CWC22: variants seen among roughly 807,000 people sequenced by gnomAD.
CWC22 encodes the protein CWC22 spliceosome associated protein.
A neutral mutation model predicts 117.2 loss-of-function variants in CWC22; 53 were observed. That is an observed-to-expected ratio of 0.45 (90% CI 0.36 to 0.57). The LOEUF (loss-of-function observed/expected upper bound fraction) is 0.57. CWC22 is among the 20% of genes least tolerant of loss of function. The pLI is 0.00. For synonymous variants in CWC22, 360 were observed against 355.6 expected (o/e 1.01, Z -0.14); for missense variants, 980 against 1,068.8 (o/e 0.92, Z 1.16).
chr2:180,003,922 T>C (rs1468868121), intron 1 of CWC22, among the ~76,000 whole-genome samples: 2 of 152,238 alleles, frequency 1.3e-5, no homozygotes, highest in Admixed American at 6.5e-5. Context: ...TTAAAGTTTG[T>C]ACTTTGTTGT....
chr2:180,005,313 C>A (rs1165499146), intron 1 of CWC22, among the ~76,000 whole-genome samples: 1 of 152,222 alleles, frequency 6.6e-6, no homozygotes, highest in Non-Finnish European at 1.5e-5. Flanking sequence ...AGCGGTGGCT[C>A]ACGCCTGTAA....
chr2:179,976,902 A>G (rs1197744644), intron 6 of CWC22, among the ~76,000 whole-genome samples: 1 of 152,168 alleles, frequency 6.6e-6, no homozygotes, highest in Non-Finnish European at 1.5e-5. Flanking sequence ...CGCCTGTCAT[A>G]CCAACACTTT....
rs566811611 is a variant in CWC22 at position 179,950,993 on chromosome 2, C to G, written c.1818-67G>C. ...AAGATAAAAAGGTAAAATCCTTAGT[C>G]ATTTTTCAGATTTTTCATATATTAA... On this transcript the variant is annotated intron_variant, in intron 17 of 19. Transcript: ENST00000410053. The G allele has an allele frequency of 7.0e-6, 7 of 994,554 alleles. No individual in the cohort carries two copies. In the African/African-American group the frequency reaches 1.2e-4, roughly 16 times the overall value. The allele number at this position is 994,554 out of a possible 1,614,324, so 61.6% of individuals were successfully genotyped here.
At chr2:179,997,511 A>C (rs1687737751) in intron 1 of CWC22, among the ~76,000 whole-genome samples, 2 of 152,012 alleles carry the variant, frequency 1.3e-5, no homozygotes, top group Admixed American at 6.6e-5. Flanking sequence ...AAATTGCATG[A>C]CTCCTTCCAA....
At chr2:179,980,652 C>T (rs530814158) in intron 5 of CWC22, among the ~76,000 whole-genome samples, 7 of 151,646 alleles carry the variant, frequency 4.6e-5, no homozygotes, top group Non-Finnish European at 7.4e-5. Flanking sequence ...TTTGGGAGGC[C>T]GAGGTGGGCG....
intron 12 of CWC22, among the ~76,000 whole-genome samples, chr2:179,965,230 TATAAGAC>T (rs1686859907): frequency 6.6e-6 from 1 of 152,250 alleles, no homozygotes; most frequent in South Asian, 2.1e-4. Flanking sequence ...AGAATTGTAC[TATAAGAC>T]AGAGTATTTA....
Position 179,945,663 on chromosome 2 carries a change from A to T in CWC22, c.2193T>A (p.Asp731Glu), listed in dbSNP as rs369171064. The change falls in exon 20 of 20, where the codon GAT (aspartate) becomes GAA (glutamate). Residue 731 changes from aspartate (D) to glutamate (E), a missense_variant. By Grantham distance (45) the Asp-to-Glu change is conservative (BLOSUM62 2). Around this residue, in one of 3 missense-constraint regions of CWC22, gnomAD observed 306 missense variants for 296.8 expected, o/e 1.03. Coordinates refer to ENST00000410053, the MANE Select transcript of CWC22 (RefSeq NM_020943.3). ...TTGTTTGCTGGTTTCTGATCAATTT[A>T]TCTACCTCTTTACTTCTGGTCTTCC... ...GHGKTRSKEV[D>E]KLIRNQQTND... 1.9e-6 allele frequency: 3 copies of T among 1,610,242 alleles called. No individual in the cohort carries two copies. The highest frequency in any genetic ancestry group is 1.1e-5 in the South Asian group (1 of 90,880).
chr2:179,999,978 C>T (rs945247355), intron 1 of CWC22, among the ~76,000 whole-genome samples: 1 of 152,100 alleles, frequency 6.6e-6, no homozygotes, highest in African/African-American at 2.4e-5. Context: ...AACAGCCAAG[C>T]CCCCAAGGAA....
chr2:180,000,390 A>G (rs1687816406), intron 1 of CWC22, among the ~76,000 whole-genome samples: 1 of 152,248 alleles, frequency 6.6e-6, no homozygotes, highest in Non-Finnish European at 1.5e-5. Flanking sequence ...AACTTAGCAT[A>G]TACTGACTTG....
intron 13 of CWC22, among the ~76,000 whole-genome samples, chr2:179,964,153 G>A (rs188318577): frequency 1.3e-5 from 2 of 152,280 alleles, no homozygotes; most frequent in East Asian, 3.9e-4. Context: ...CATCACAACA[G>A]TGCTTCTTTG....
intron 13 of CWC22, among the ~76,000 whole-genome samples, chr2:179,960,374 C>T (rs972608480): frequency 6.6e-6 from 1 of 151,788 alleles, no homozygotes; most frequent in Admixed American, 6.6e-5. Flanking sequence ...AGAAAAAAAT[C>T]AATAACTCTA....
At chr2:180,003,355 C>A (rs1687891533) in intron 1 of CWC22, among the ~76,000 whole-genome samples, 1 of 152,182 alleles carries the variant, frequency 6.6e-6, no homozygotes, top group Non-Finnish European at 1.5e-5. Context: ...ACAAAATCAA[C>A]CCTAATTACT....
At position 179,967,178 on chromosome 2, in the gene CWC22, G is replaced by A. The variant is rs148242782; in HGVS notation, c.1211-1196C>T. 6.8e-4 allele frequency among the ~76,000 whole-genome samples: 104 copies of A among 152,300 alleles called. 2 individuals carry two copies. The East Asian group carries it at 0.019, about 27-fold the overall frequency. ...AAACACAAGTACACCTGGGTCAGTC[G>A]AAGGTGCTAATTACTAAAGCTGTGC... On this transcript the variant is annotated intron_variant, in intron 11 of 19. Transcript: ENST00000410053.
chr2:179,967,515 T>C, intron 11 of CWC22, among the ~76,000 whole-genome samples: 1 of 152,170 alleles, frequency 6.6e-6, no homozygotes, highest in Non-Finnish European at 1.5e-5. Context: ...TCTGTGATGA[T>C]GATCCAAAAG....
In CWC22 at chr2:179,994,598, T is replaced by G. The variant is rs139146537; in HGVS notation, c.-113-1144A>C. On this transcript the variant is annotated intron_variant, in intron 1 of 19. Transcript: ENST00000410053. ...GTATACGAATTACTAAGTCAAGAAATGTTTCTATTACAATGATTGGCATGG... is the reference window on the plus strand; with the variant it reads ...GTATACGAATTACTAAGTCAAGAAAGGTTTCTATTACAATGATTGGCATGG... Among the ~76,000 whole-genome samples, 60 of 152,266 alleles carry G rather than the reference T, an allele frequency of 3.9e-4. No homozygotes were observed. The East Asian group carries it at 0.01, about 26-fold the overall frequency.
intron 4 of CWC22, among the ~76,000 whole-genome samples, chr2:179,984,244 T>C (rs570914242): frequency 2.0e-5 from 3 of 152,084 alleles, no homozygotes; most frequent in Non-Finnish European, 2.9e-5. Context: ...TCAGGTAAGC[T>C]ACTTAATAAA....
At chr2:179,959,966 C>T (rs934668276) in intron 13 of CWC22, among the ~76,000 whole-genome samples, 2 of 151,982 alleles carry the variant, frequency 1.3e-5, no homozygotes, top group African/African-American at 4.8e-5. Context: ...CTCAAACCAA[C>T]CAACTTCAAG....
chr2:179,954,979 T>C lies in CWC22; in HGVS notation c.1514A>G (p.Lys505Arg). ...CACCCCAGCTAATAAGCCAAAAAAT[T>C]TTTCGTATGTCCTCTGTTGGGCACA... ...DCCAQQRTYE[K>R]FFGLLAGRFC... The change falls in exon 15 of 20, where the codon AAA (lysine) becomes AGA (arginine). Residue 505 changes from lysine to arginine, a missense_variant. Transcript: ENST00000410053. The C allele has an allele frequency of 6.2e-7, 1 of 1,600,348 alleles. No homozygotes were observed.
At chr2:179,955,700 T>C (rs929878865) in intron 14 of CWC22, among the ~76,000 whole-genome samples, 1 of 152,062 alleles carries the variant, frequency 6.6e-6, no homozygotes, top group Non-Finnish European at 1.5e-5. Flanking sequence ...TCAGGCGCCA[T>C]GTAAACCTCT....
Sources: allele counts gnomAD v4.1 joint callset (sites outside exome capture counted in the v4.1 genomes callset), GRCh38; gene constraint gnomAD v4.1.1; regional missense constraint gnomAD v4.1.1; transcripts MANE v1.5; gene names NCBI Gene and HGNC (gene_info 2026-07-23, HGNC 2026-07-21).